The following NCAM1 variants were observed in gnomAD, a reference collection of about 807,000 sequenced individuals.
The protein encoded by NCAM1 is antigen recognized by monoclonal antibody 5.1H11.
Under a neutral mutation model 109.8 loss-of-function variants are expected in NCAM1, and 14 were observed. That is an observed-to-expected ratio of 0.13 (90% CI 0.08 to 0.20). The LOEUF is 0.20. Among genes scored for constraint, NCAM1 ranks in the 10% least tolerant of loss-of-function variants. The pLI is 1.00. For missense variants in NCAM1, 774 were observed against 1,109.9 expected, an observed-to-expected ratio of 0.70 and a Z score of 4.30; for synonymous variants, 418 against 442.9, an observed-to-expected ratio of 0.94 and a Z score of 0.70.
intron 1 of NCAM1, among the ~76,000 whole-genome samples, chr11:113,153,016 A>G (rs571643029): frequency 4.9e-4 from 75 of 152,056 alleles, no homozygotes; most frequent in African/African-American, 1.5e-3. Flanking sequence ...GGTGAGGTTT[A>G]TATGAGCCTA....
rs1224890155 is a variant in NCAM1, at chr11:112,962,668, G to A, written c.52+1004G>A. Among the ~76,000 whole-genome samples the A allele has an allele frequency of 4.6e-5, 7 of 151,892 alleles. No individual in the cohort carries two copies. The highest frequency in any genetic ancestry group is 4.6e-4 in the Admixed American group (7 of 15,276). ...CGCCGCCGCCCAGAGAACCTCGGCA[G>A]TGTGCAGGGAGGTGCATTTCATTTT... is the stretch of plus-strand genomic sequence containing the variant. On this transcript the variant is annotated intron_variant, in intron 1 of 19. Coordinates refer to ENST00000316851, the MANE Select transcript of NCAM1 (RefSeq NM_181351.5). This position sits in a 1 kb window ranked among gnomAD's most constrained non-coding sequence, Gnocchi z 5.6.
At chr11:113,096,186 A>G (rs1555090395) in intron 1 of NCAM1, among the ~76,000 whole-genome samples, 9 of 152,146 alleles carry the variant, frequency 5.9e-5, no homozygotes. Flanking sequence ...CACTTACCTA[A>G]CAACTCCAGG....
chr11:113,121,684 A>G (rs1555096095), intron 1 of NCAM1, among the ~76,000 whole-genome samples: 1 of 152,100 alleles, frequency 6.6e-6, no homozygotes, highest in African/African-American at 2.4e-5. Context: ...GCTCCTTCTT[A>G]TCTTGGTCAG....
intron 1 of NCAM1, among the ~76,000 whole-genome samples, chr11:113,085,889 A>G (rs1489779154): frequency 6.6e-6 from 1 of 152,252 alleles, no homozygotes; most frequent in Non-Finnish European, 1.5e-5. Flanking sequence ...CTATAAATAG[A>G]TAATAGCTCA....
intron 14 of NCAM1, among the ~76,000 whole-genome samples, chr11:113,240,030 C>T (rs888117241): frequency 6.6e-6 from 1 of 152,188 alleles, no homozygotes; most frequent in African/African-American, 2.4e-5. Context: ...ATCTCAGATG[C>T]ACAACTAACC....
In NCAM1 at chr11:113,278,356, ATACTGAG is replaced by A. The variant is rs1268648789; in HGVS notation, c.*2974_*2980del. The A allele has an allele frequency of 2.6e-5, 4 of 152,208 alleles. No homozygotes were observed. In the East Asian group the frequency reaches 5.8e-4, roughly 22 times the overall value. The allele number at this position is 152,208 out of a possible 1,614,324, so 9.4% of individuals were successfully genotyped here. A position where few individuals can be genotyped will look rare whatever the true frequency, so the allele number is the denominator to read the frequency against. ...TTTGTTTCCATTCTCACTGGTGTAA[ATACTGAG>A]TACTAACTGAGAATTTTGACTTTGC... On this transcript the variant is annotated 3_prime_UTR_variant, in exon 20 of 20. Transcript: ENST00000316851.
At chr11:113,105,559 G>A (rs572841265) in intron 1 of NCAM1, among the ~76,000 whole-genome samples, 31 of 152,162 alleles carry the variant, frequency 2.0e-4, no homozygotes, top group South Asian at 4.1e-4. Context: ...ATATATATTC[G>A]TACATTGAAT....
chr11:113,050,140 T>TG (rs1230846554), intron 1 of NCAM1, among the ~76,000 whole-genome samples: 13 of 47,554 alleles, frequency 2.7e-4, no homozygotes, highest in East Asian at 1.6e-3. Flanking sequence ...AAACAGAGGG[T>TG]GGGGGGGAAT....
chr11:113,118,329 A>T (rs1412959484), intron 1 of NCAM1, among the ~76,000 whole-genome samples: 1 of 151,944 alleles, frequency 6.6e-6, no homozygotes, highest in Non-Finnish European at 1.5e-5. Flanking sequence ...ACAGGGAGAT[A>T]AGCCCAAATG....
chr11:113,091,606 G>C (rs1939346829), intron 1 of NCAM1, among the ~76,000 whole-genome samples: 1 of 152,156 alleles, frequency 6.6e-6, no homozygotes, highest in Admixed American at 6.5e-5. Context: ...TTGTGTCCAG[G>C]GTTGATGCTG....
At chr11:113,242,903 G>T in intron 14 of NCAM1, 1 of 1,612,668 alleles carries the variant, frequency 6.2e-7, no homozygotes, top group Admixed American at 1.7e-5. Context: ...TTGTAGAGCC[G>T]ACTTCTAGAT....
chr11:112,973,685 G>T (rs1450027342), intron 1 of NCAM1, among the ~76,000 whole-genome samples: 1 of 152,112 alleles, frequency 6.6e-6, no homozygotes, highest in Non-Finnish European at 1.5e-5. Context: ...TTATACAACT[G>T]TCTGGCACAT....
In NCAM1 at chr11:113,275,312, G is replaced by A. The variant is rs782086959; in HGVS notation, c.2502G>A (p.Thr834=). The part of the protein sequence containing the change: ...EAKPECQETE[T]KPAPAEVKTV... ...AGCCAGAGTGCCAGGAGACAGAAAC[G>A]AAGCCAGCGCCAGCCGAAGTCAAGA... Residue 834 remains threonine (T), a synonymous_variant, in exon 20 of 20, where the codon ACG becomes ACA. Transcript: ENST00000316851. 7.4e-6 allele frequency: 12 copies of A among 1,613,722 alleles called. No individual in the cohort carries two copies. The highest frequency in any genetic ancestry group is 1.3e-5 in the African/African-American group (1 of 74,988).
At chr11:113,074,002 G>A (rs957276849) in intron 1 of NCAM1, among the ~76,000 whole-genome samples, 6 of 152,316 alleles carry the variant, frequency 3.9e-5, no homozygotes, top group African/African-American at 1.4e-4. Flanking sequence ...TAAATAGTAG[G>A]TGTCAGAGAA....
At chr11:113,204,194 A>T in intron 2 of NCAM1, 92 bp from the exon 3 acceptor site, 2 of 1,051,228 alleles carry the variant, frequency 1.9e-6, no homozygotes, top group South Asian at 1.6e-5. Context: ...TCTGTTGTTC[A>T]GTAACTCTTA....
At chr11:113,070,274 G>A (rs1938199327) in intron 1 of NCAM1, among the ~76,000 whole-genome samples, 1 of 152,132 alleles carries the variant, frequency 6.6e-6, no homozygotes, top group South Asian at 2.1e-4. Context: ...TAATAGCCAG[G>A]GAGGTGAAAG....
chr11:113,032,854 C>A (rs1952764394), intron 1 of NCAM1, among the ~76,000 whole-genome samples: 2 of 152,168 alleles, frequency 1.3e-5, no homozygotes, highest in African/African-American at 4.8e-5. Flanking sequence ...GATATTTCAA[C>A]AGAGTCTTTT....
intron 9 of NCAM1, among the ~76,000 whole-genome samples, chr11:113,229,117 C>A (rs868959043): frequency 2.0e-5 from 3 of 151,988 alleles, no homozygotes; most frequent in South Asian, 2.1e-4. Flanking sequence ...TCTGCACAGC[C>A]AAAGAAACTA....
chr11:113,095,022 A>C (rs1293589728), intron 1 of NCAM1, among the ~76,000 whole-genome samples: 1 of 152,178 alleles, frequency 6.6e-6, no homozygotes, highest in Non-Finnish European at 1.5e-5. Flanking sequence ...AAGCTTCTAG[A>C]CCGCTTACAG....
Sources: allele counts gnomAD v4.1 joint callset (sites outside exome capture counted in the v4.1 genomes callset), GRCh38; gene constraint gnomAD v4.1.1; non-coding constraint Gnocchi (gnomAD v3.1); transcripts MANE v1.5; gene names NCBI Gene and HGNC (gene_info 2026-07-23, HGNC 2026-07-21).